Variants in ASIC2 observed in about 807,000 individuals in gnomAD.
ASIC2 encodes acid-sensing ion channel 2.
In ASIC2, 25 loss-of-function variants were observed where a neutral mutation model predicts 57.3. The observed-to-expected ratio is 0.44, with a 90% CI of 0.32 to 0.61. ASIC2 has a LOEUF of 0.61. ASIC2 is among the 20% of genes least tolerant of loss of function. The pLI is 0.06. For synonymous variants in ASIC2, 319 were observed against 307.5 expected (o/e 1.04, Z -0.39); for missense variants, 641 against 738.1 (o/e 0.87, Z 1.52).
At chr17:33,350,353 G>A (rs1046871749) in intron 1 of ASIC2, among the ~76,000 whole-genome samples, 22 of 152,176 alleles carry the variant, frequency 1.4e-4, no homozygotes, top group Admixed American at 3.9e-4. Flanking sequence ...CACGATCCTT[G>A]GGCATTTTAG....
chr17:33,282,173 C>T (rs1904977516), intron 1 of ASIC2, among the ~76,000 whole-genome samples: 1 of 152,130 alleles, frequency 6.6e-6, no homozygotes, highest in South Asian at 2.1e-4. Context: ...TATTAATTTC[C>T]AATTCTTGCT....
chr17:33,321,499 A>G (rs966057804), intron 1 of ASIC2, among the ~76,000 whole-genome samples: 1 of 152,204 alleles, frequency 6.6e-6, no homozygotes, highest in South Asian at 2.1e-4. Context: ...TCTGTGCCAC[A>G]GTTTAAAATG....
chr17:33,443,592 A>C (rs2141985540), intron 1 of ASIC2, among the ~76,000 whole-genome samples: 1 of 142,466 alleles, frequency 7.0e-6, no homozygotes, highest in African/African-American at 2.5e-5. Flanking sequence ...TTTTTTTTGT[A>C]TTTTTAGTAG....
At chr17:34,090,391 G>C (rs903244088) in intron 1 of ASIC2, among the ~76,000 whole-genome samples, 4 of 152,040 alleles carry the variant, frequency 2.6e-5, no homozygotes, top group African/African-American at 9.7e-5. Flanking sequence ...TGTTCTGATG[G>C]GTGATAGGCT....
chr17:33,419,476 A>T (rs923499942), intron 1 of ASIC2, among the ~76,000 whole-genome samples: 7 of 152,344 alleles, frequency 4.6e-5, no homozygotes, highest in African/African-American at 1.7e-4. Flanking sequence ...GTGGCTTCTA[A>T]TGCCAGAAAG....
chr17:33,027,950 C>T (rs1435068957), intron 4 of ASIC2, among the ~76,000 whole-genome samples: 3 of 152,240 alleles, frequency 2.0e-5, no homozygotes, highest in Admixed American at 2.0e-4. Flanking sequence ...ATCCAGTTAT[C>T]TGGAAGCTAA....
rs572290852 is a variant in ASIC2, at chr17:33,552,794, C to T, written c.556-440727G>A. 2.0e-4 allele frequency among the ~76,000 whole-genome samples: 30 copies of T among 152,336 alleles called. 1 individual carries two copies. The highest frequency in any genetic ancestry group is 6.8e-3 in the Middle Eastern group (2 of 294). On this transcript the variant is annotated intron_variant, in intron 1 of 9. Coordinates refer to the ASIC2 transcript ENST00000359872. Reference sequence around the variant, plus strand: ...GTTACGTACTGAGTTCCAGACAAAGCTGGAAGCCAGATGGTCAGTGGAACA... The same window carrying T: ...GTTACGTACTGAGTTCCAGACAAAGTTGGAAGCCAGATGGTCAGTGGAACA...
In ASIC2 at chr17:33,232,961, G is replaced by A. The variant is rs77918749; in HGVS notation, c.708+58447C>T. Among the ~76,000 whole-genome samples, 484 of 152,192 alleles carry A rather than the reference G, an allele frequency of 3.2e-3. 3 individuals carry two copies. Among genetic ancestry groups the A allele is most frequent in the East Asian group, 0.03 (155 of 5,172 alleles). ...CACCAAGAGATGCCCACCCCTCAGG[G>A]CAATGTCCCCTAGAGGGAGTGAGGC... On this transcript the variant is annotated intron_variant, in intron 1 of 9. Transcript: ENST00000225823.
At chr17:33,029,522 T>G (rs1435461454) in intron 3 of ASIC2, among the ~76,000 whole-genome samples, 2 of 152,252 alleles carry the variant, frequency 1.3e-5, no homozygotes, top group African/African-American at 2.4e-5. Context: ...AATTTGCTTA[T>G]CCACTCACTT....
chr17:33,126,210 G>A (rs2092322431), intron 1 of ASIC2, among the ~76,000 whole-genome samples: 2 of 152,244 alleles, frequency 1.3e-5, no homozygotes, highest in South Asian at 2.1e-4. Flanking sequence ...CAGGAAGAGA[G>A]AAAGAGCACA....
At chr17:33,613,818 AGAGTAGTCTACCATAT>A (rs1219772615) in intron 1 of ASIC2, among the ~76,000 whole-genome samples, 7 of 152,204 alleles carry the variant, frequency 4.6e-5, no homozygotes, top group African/African-American at 7.2e-5. Flanking sequence ...TAATGCCTTT[AGAGTAGTCTACCATAT>A]GGTAGCACTA....
intron 1 of ASIC2, among the ~76,000 whole-genome samples, chr17:34,149,890 A>G (rs1904445091): frequency 6.6e-6 from 1 of 152,216 alleles, no homozygotes. Context: ...ACTACTGGGT[A>G]TATATCCAAA....
At chr17:33,837,258 T>C (rs1913301205) in intron 1 of ASIC2, among the ~76,000 whole-genome samples, 1 of 152,202 alleles carries the variant, frequency 6.6e-6, no homozygotes, top group Non-Finnish European at 1.5e-5. Flanking sequence ...CCTGGGACAG[T>C]CCCGAAGGCC....
At chr17:33,769,430 G>C (rs370577167) in intron 1 of ASIC2, among the ~76,000 whole-genome samples, 1 of 152,112 alleles carries the variant, frequency 6.6e-6, no homozygotes, top group African/African-American at 2.4e-5. Context: ...CCAAGTAGAC[G>C]GAGTGCCCCT....
At chr17:33,594,568 C>G (rs1904921906) in intron 1 of ASIC2, among the ~76,000 whole-genome samples, 1 of 152,180 alleles carries the variant, frequency 6.6e-6, no homozygotes, top group Non-Finnish European at 1.5e-5. Context: ...GTGGCTCACA[C>G]CTGTAATCCC....
At chr17:33,848,304 G>A (rs1162671526) in intron 1 of ASIC2, among the ~76,000 whole-genome samples, 1 of 152,148 alleles carries the variant, frequency 6.6e-6, no homozygotes, top group Non-Finnish European at 1.5e-5. Context: ...AGGCAACCTA[G>A]GTTACCCAGT....
chr17:33,625,129 G>GTCTATCTATCTATCTATCTA (rs199907150), intron 1 of ASIC2, among the ~76,000 whole-genome samples: 1 of 146,340 alleles, frequency 6.8e-6, no homozygotes, highest in African/African-American at 2.5e-5. Flanking sequence ...TGGCCTCTCT[G>GTCTATCTATCTATCTATCTA]TCTATCTATC....
chr17:33,180,824 G>C (rs1905952061), intron 1 of ASIC2, among the ~76,000 whole-genome samples: 1 of 152,098 alleles, frequency 6.6e-6, no homozygotes, highest in South Asian at 2.1e-4. Context: ...GAGTTCTGTG[G>C]CATGTTCAGC....
At chr17:33,229,429 T>C (rs1908007228) in intron 1 of ASIC2, among the ~76,000 whole-genome samples, 1 of 152,142 alleles carries the variant, frequency 6.6e-6, no homozygotes, top group African/African-American at 2.4e-5. Context: ...ACAAGTGCCC[T>C]AGCCGATGTC....
Sources: allele counts gnomAD v4.1 joint callset (sites outside exome capture counted in the v4.1 genomes callset), GRCh38; gene constraint gnomAD v4.1.1; transcripts MANE v1.5; gene names NCBI Gene and HGNC (gene_info 2026-07-23, HGNC 2026-07-21).